The following GARIN5B variants were observed in gnomAD, a reference collection of about 807,000 sequenced individuals.
GARIN5B encodes the protein golgi associated RAB2 interactor family member 5B.
At chr19:55,356,032 G>A in the GARIN5B span, among the ~76,000 whole-genome samples, 7 of 151,892 alleles carry the variant, frequency 4.6e-5, no homozygotes, top group East Asian at 1.4e-3. Context: ...GCTGAGGCAG[G>A]AGGATCACTT....
At chr19:55,361,233 C>T in the GARIN5B span, 1 of 1,551,040 alleles carries the variant, frequency 6.4e-7, no homozygotes, top group Non-Finnish European at 8.7e-7. Context: ...CGCTCAGCAA[C>T]CCTGACTGGG....
At chr19:55,361,020 C>T in the GARIN5B span, 5 of 1,550,880 alleles carry the variant, frequency 3.2e-6, no homozygotes, top group Non-Finnish European at 4.4e-6. Flanking sequence ...CAGGTTTCTT[C>T]CTGACGTCAG....
At chr19:55,362,209 C>T in the GARIN5B span, 2 of 1,475,818 alleles carry the variant, frequency 1.4e-6, no homozygotes, top group South Asian at 2.8e-5. Context: ...GTTCCTGGGG[C>T]CTGCCATGCC....
the GARIN5B span, chr19:55,358,580 G>T: frequency 1.9e-6 from 3 of 1,551,204 alleles, no homozygotes; most frequent in Admixed American, 5.9e-5. Flanking sequence ...CTTCACCCAG[G>T]TGTGCGACTC....
At chr19:55,357,253 C>G in the GARIN5B span, among the ~76,000 whole-genome samples, 2,958 of 152,274 alleles carry the variant, frequency 0.019, 107 homozygotes, top group African/African-American at 0.065. Flanking sequence ...CCTACATCCT[C>G]CATGCCCCAG....
chr19:55,363,023 C>T, the GARIN5B span: 3 of 1,496,464 alleles, frequency 2.0e-6, no homozygotes, highest in Non-Finnish European at 2.7e-6. This position sits in a 1 kb window ranked among gnomAD's most constrained non-coding sequence, Gnocchi z 4.0. Context: ...CTTCGGGGTG[C>T]CCTGGAGCGG....
the GARIN5B span, chr19:55,362,572 C>T: frequency 1.1e-5 from 17 of 1,534,810 alleles, no homozygotes; most frequent in South Asian, 2.4e-5. Flanking sequence ...TTGGGGGATG[C>T]GGCACCTGGT....
the GARIN5B span, among the ~76,000 whole-genome samples, chr19:55,357,571 G>T: frequency 6.6e-6 from 1 of 152,194 alleles, no homozygotes; most frequent in East Asian, 1.9e-4. Flanking sequence ...CCAGCTCCGT[G>T]AGGGCTCCCT....
the GARIN5B span, among the ~76,000 whole-genome samples, chr19:55,357,258 C>T: frequency 3.9e-5 from 6 of 152,268 alleles, 1 homozygote; most frequent in Admixed American, 3.9e-4. Context: ...ATCCTCCATG[C>T]CCCAGCCAGA....
At chr19:55,362,450 C>T in the GARIN5B span, 21 of 1,549,620 alleles carry the variant, frequency 1.4e-5, no homozygotes, top group African/African-American at 6.9e-5. Flanking sequence ...CAGCTTCAGG[C>T]GCCAGGCAGA....
At chr19:55,361,420 G>A in the GARIN5B span, 10 of 1,516,670 alleles carry the variant, frequency 6.6e-6, no homozygotes, top group African/African-American at 1.3e-4. Context: ...CTGCATGTCT[G>A]CTGATGGGCT....
chr19:55,362,144 C>T, the GARIN5B span: 7 of 1,413,702 alleles, frequency 5.0e-6, no homozygotes, highest in South Asian at 7.6e-5. Context: ...GGGTCCAGGC[C>T]CCCGGCCTAG....
the GARIN5B span, chr19:55,358,610 A>T: frequency 6.4e-7 from 1 of 1,551,218 alleles, no homozygotes; most frequent in Non-Finnish European, 8.7e-7. Context: ...TCTGACCACC[A>T]CTGGCTTCCC....
chr19:55,358,195 G>C, the GARIN5B span: 1 of 1,541,112 alleles, frequency 6.5e-7, no homozygotes, highest in Non-Finnish European at 8.8e-7. Flanking sequence ...CCTCTGCCTT[G>C]GTGGCCGTGT....
chr19:55,359,501 G>A, the GARIN5B span: 2 of 1,548,670 alleles, frequency 1.3e-6, no homozygotes, highest in South Asian at 2.4e-5. Flanking sequence ...GGATGGAGCA[G>A]GTACAGCTGG....
chr19:55,359,879 C>A, the GARIN5B span: 42 of 1,551,504 alleles, frequency 2.7e-5, 1 homozygote, highest in Admixed American at 6.7e-4. Flanking sequence ...GCTGCAGGAG[C>A]CCAGAAAGAA....
the GARIN5B span, chr19:55,363,222 C>T: frequency 1.3e-6 from 1 of 742,932 alleles, no homozygotes; most frequent in Non-Finnish European, 1.9e-6. The surrounding 1 kb of genome is among the most constrained non-coding windows in gnomAD (Gnocchi z 4.0). Flanking sequence ...GAGACTCGGG[C>T]CTCCGCCATG....
the GARIN5B span, chr19:55,355,259 C>A: frequency 6.7e-7 from 1 of 1,498,084 alleles, no homozygotes; most frequent in Non-Finnish European, 9.0e-7. Context: ...TTAAAGGGTA[C>A]CTGGCAGCGC....
the GARIN5B span, chr19:55,363,067 G>A: frequency 6.7e-6 from 10 of 1,495,108 alleles, no homozygotes; most frequent in African/African-American, 1.4e-5. The surrounding 1 kb of genome is among the most constrained non-coding windows in gnomAD (Gnocchi z 4.0). Context: ...GCCAGATCAT[G>A]GTGGCTGTGG....
Sources: allele counts gnomAD v4.1 joint callset (sites outside exome capture counted in the v4.1 genomes callset), GRCh38; gene constraint gnomAD v4.1.1; non-coding constraint Gnocchi (gnomAD v3.1); transcripts MANE v1.5; gene names NCBI Gene and HGNC (gene_info 2026-07-23, HGNC 2026-07-21).